Variants in DOCK3 observed in about 807,000 individuals in gnomAD.
The protein encoded by DOCK3 is dedicator of cytokinesis protein 3.
DOCK3 carries 60 observed loss-of-function variants against 265.6 expected under a neutral mutation model. The ratio of observed to expected loss-of-function variants is 0.23; its 90% confidence interval spans 0.18 to 0.28. DOCK3 has a LOEUF of 0.28. DOCK3 is among the 10% of genes least tolerant of loss of function. The probability of loss-of-function intolerance (pLI) is 1.00; values close to 1 mark genes in which losing one functional copy is unlikely to be tolerated. For missense variants in DOCK3, 1,981 were observed against 2,594.3 expected (o/e 0.76, Z 5.14); for synonymous variants, 881 against 938.0 (o/e 0.94, Z 1.11).
At chr3:50,937,009 G>A (rs978699312) in intron 5 of DOCK3, among the ~76,000 whole-genome samples, 2 of 152,190 alleles carry the variant, frequency 1.3e-5, no homozygotes, top group African/African-American at 4.8e-5. Flanking sequence ...GGGTGTGGTG[G>A]CTCATGCCTG....
intron 25 of DOCK3, 133 bp downstream of exon 25, chr3:51,275,339 G>A (rs1490290039): frequency 1.4e-6 from 2 of 1,383,140 alleles, no homozygotes; most frequent in South Asian, 1.3e-5. Flanking sequence ...ACAGGAAGGT[G>A]CCCAAGTGAA....
intron 12 of DOCK3, among the ~76,000 whole-genome samples, chr3:51,196,950 T>TCA: frequency 6.6e-6 from 1 of 152,240 alleles, no homozygotes; most frequent in East Asian, 1.9e-4. Context: ...TCCTGTGTCA[T>TCA]TACATTGAAA....
At chr3:51,150,028 G>C (rs1220525974) in intron 10 of DOCK3, among the ~76,000 whole-genome samples, 2 of 152,130 alleles carry the variant, frequency 1.3e-5, no homozygotes, top group East Asian at 3.9e-4. Context: ...CCTGTTATTG[G>C]TCTATTCAGG....
chr3:50,850,368 A>T lies in DOCK3; in HGVS notation c.162+8653A>T, dbSNP rs557436025. ...GAGTGAGACTCCATCTCAAAAAAAAAAAAAAAGTTTCTTTGTGTTGATTTT... is the reference window on the plus strand; with the variant it reads ...GAGTGAGACTCCATCTCAAAAAAAATAAAAAAGTTTCTTTGTGTTGATTTT... On this transcript the variant is annotated intron_variant, in intron 3 of 52. Transcript: ENST00000266037. Among the ~76,000 whole-genome samples, 5 of 152,096 alleles carry T rather than the reference A, an allele frequency of 3.3e-5. No homozygotes were observed. The East Asian group carries it at 5.8e-4, about 18-fold the overall frequency.
chr3:50,928,837 A>G (rs2050907330), intron 4 of DOCK3, among the ~76,000 whole-genome samples: 1 of 152,242 alleles, frequency 6.6e-6, no homozygotes. Flanking sequence ...AGTCATATGC[A>G]TTCAGTAGAA....
At chr3:51,300,934 AAGTCC>A (rs2082331292) in intron 27 of DOCK3, among the ~76,000 whole-genome samples, 1 of 152,076 alleles carries the variant, frequency 6.6e-6, no homozygotes, top group African/African-American at 2.4e-5. Context: ...AGTTAGGGAG[AAGTCC>A]ATCCTTTTCA....
intron 4 of DOCK3, among the ~76,000 whole-genome samples, chr3:50,925,221 GA>G (rs1485385177): frequency 6.6e-6 from 1 of 152,188 alleles, no homozygotes. Flanking sequence ...GAAGCTGAAA[GA>G]GAAAATGAAC....
rs535991257 is a variant in DOCK3, at chr3:51,281,250, C to T, written c.2922+1046C>T. Among the ~76,000 whole-genome samples the T allele has an allele frequency of 2.1e-5, 3 of 146,268 alleles. No homozygotes were observed. In the South Asian group the frequency reaches 6.4e-4, roughly 31 times the overall value. ...TTGGGCCACACATTAAATACACTAA[C>T]ACTAACGATAGCTGATGAGCTAAAA... On this transcript the variant is annotated intron_variant, in intron 27 of 52. Transcript: ENST00000266037.
intron 24 of DOCK3, among the ~76,000 whole-genome samples, chr3:51,272,242 A>AT (rs1367816628): frequency 6.6e-6 from 1 of 150,720 alleles, no homozygotes; most frequent in African/African-American, 2.4e-5. Flanking sequence ...AATTATTAGA[A>AT]TTTTTATAAT....
intron 37 of DOCK3, 150 bp from the exon 38 acceptor site, chr3:51,341,087 A>T: frequency 3.2e-6 from 3 of 935,870 alleles, no homozygotes; most frequent in Non-Finnish European, 4.6e-6. Flanking sequence ...GAGCAGCCCT[A>T]CTGTTTCATC....
At chr3:50,937,835 A>G (rs1359437536) in intron 5 of DOCK3, among the ~76,000 whole-genome samples, 1 of 152,208 alleles carries the variant, frequency 6.6e-6, no homozygotes, top group African/African-American at 2.4e-5. Context: ...GAAAGGGGAA[A>G]TAGAGGCAGG....
intron 1 of DOCK3, among the ~76,000 whole-genome samples, chr3:50,676,055 GT>G (rs1457830309): frequency 6.6e-6 from 1 of 152,082 alleles, no homozygotes; most frequent in Non-Finnish European, 1.5e-5. Context: ...TTAGTGTTTT[GT>G]GGCAATTACA....
chr3:51,149,633 G>A (rs1192111496), intron 10 of DOCK3, among the ~76,000 whole-genome samples: 2 of 152,104 alleles, frequency 1.3e-5, no homozygotes, highest in Non-Finnish European at 2.9e-5. Context: ...TTTATATGCT[G>A]GATTACATTT....
At chr3:51,138,725 T>G (rs2084918155) in intron 9 of DOCK3, among the ~76,000 whole-genome samples, 1 of 152,146 alleles carries the variant, frequency 6.6e-6, no homozygotes, top group Non-Finnish European at 1.5e-5. Flanking sequence ...GCGTATAATG[T>G]GAGGATGAGA....
intron 51 of DOCK3, 124 bp downstream of exon 51, chr3:51,375,959 C>T (rs1237188776): frequency 1.0e-6 from 1 of 990,994 alleles, no homozygotes; most frequent in Admixed American, 2.0e-5. Flanking sequence ...TCCGTCTGTC[C>T]AGAATTCTGA....
At chr3:50,828,052 C>G (rs2044876660) in intron 2 of DOCK3, among the ~76,000 whole-genome samples, 1 of 151,766 alleles carries the variant, frequency 6.6e-6, no homozygotes, top group East Asian at 1.9e-4. Flanking sequence ...CCTCAGCTTC[C>G]TGAATAGCTG....
At chr3:50,753,704 A>C (rs1468781850) in intron 1 of DOCK3, among the ~76,000 whole-genome samples, 3 of 152,066 alleles carry the variant, frequency 2.0e-5, no homozygotes, top group African/African-American at 7.2e-5. Context: ...GTCACTTTAA[A>C]GGCATTTATG....
intron 9 of DOCK3, among the ~76,000 whole-genome samples, chr3:51,145,188 A>G (rs1480112127): frequency 1.3e-5 from 2 of 152,108 alleles, no homozygotes; most frequent in African/African-American, 2.4e-5. Flanking sequence ...CAAAATTTTT[A>G]TAAGTTGCTG....
intron 9 of DOCK3, among the ~76,000 whole-genome samples, chr3:51,121,287 C>CCACT (rs1407494059): frequency 1.3e-5 from 2 of 152,164 alleles, no homozygotes; most frequent in Non-Finnish European, 2.9e-5. Context: ...AGGCGATGCC[C>CCACT]CACTCTGCTT....
Sources: gnomAD v4.1 joint callset for allele counts (sites outside exome capture counted in the v4.1 genomes callset) on GRCh38, gnomAD v4.1.1 for gene constraint, MANE v1.5 for transcripts, NCBI Gene and HGNC (gene_info 2026-07-23, HGNC 2026-07-21) for gene names.